The following ZNF143 variants were observed in gnomAD, a reference collection of about 807,000 sequenced individuals.
The protein encoded by ZNF143 is zinc finger protein 143.
In ZNF143, 49 loss-of-function variants were observed where a neutral mutation model predicts 74.1. That is an observed-to-expected ratio of 0.66 (90% CI 0.53 to 0.84). The LOEUF (loss-of-function observed/expected upper bound fraction) is 0.84. ZNF143 is among the 40% of genes least tolerant of loss of function. The probability of loss-of-function intolerance (pLI) is 0.00; values close to 1 mark genes in which losing one functional copy is unlikely to be tolerated. For missense variants in ZNF143, 637 were observed against 793.4 expected, an observed-to-expected ratio of 0.80 and a Z score of 2.37; for synonymous variants, 304 against 282.8, an observed-to-expected ratio of 1.07 and a Z score of -0.75.
chr11:9,477,904 C>G (rs1022398622), intron 5 of ZNF143, among the ~76,000 whole-genome samples: 1 of 152,204 alleles, frequency 6.6e-6, no homozygotes, highest in South Asian at 2.1e-4. Context: ...TGGCTCACTG[C>G]AACCTCTGCC....
intron 14 of ZNF143, among the ~76,000 whole-genome samples, chr11:9,520,557 C>G (rs555075006): frequency 6.6e-6 from 1 of 152,056 alleles, no homozygotes; most frequent in African/African-American, 2.4e-5. Context: ...ATTTGGGAGG[C>G]TGAGGCAGGT....
chr11:9,501,098 G>C lies in ZNF143; in HGVS notation c.975G>C (p.Arg325Ser). 1 of 1,614,144 alleles carries C rather than the reference G, an allele frequency of 6.2e-7. No individual in the cohort carries two copies. The part of the protein sequence containing the change: ...QKHIRTHTGE[R>S]PFKCPFEGCG... ...TACCCTTTATATTTGCAGGAGAAAG[G>C]CCCTTTAAGTGTCCCTTCGAAGGCT... Residue 325 changes from arginine to serine, a missense_variant, in exon 11 of 16, where the codon AGG becomes AGC. Transcript: ENST00000396602.
At chr11:9,461,350 C>G (rs1366572010) in intron 1 of ZNF143, among the ~76,000 whole-genome samples, 3 of 152,216 alleles carry the variant, frequency 2.0e-5, no homozygotes, top group Non-Finnish European at 4.4e-5. Context: ...TGCGCCCCGC[C>G]TGTTTCCCTC....
chr11:9,527,380 T>A (rs1849167380), intron 15 of ZNF143, 150 bp from the exon 16 acceptor site: 2 of 674,666 alleles, frequency 3.0e-6, no homozygotes, highest in Non-Finnish European at 5.1e-6. Flanking sequence ...TTTTGTTCTC[T>A]TAATGTTTGA....
intron 14 of ZNF143, among the ~76,000 whole-genome samples, chr11:9,524,178 T>G (rs769241258): frequency 6.6e-6 from 1 of 152,184 alleles, no homozygotes; most frequent in Non-Finnish European, 1.5e-5. Context: ...CCATTATCTT[T>G]AACCTTAAGT....
intron 7 of ZNF143, among the ~76,000 whole-genome samples, chr11:9,490,695 A>T (rs1309407417): frequency 6.6e-6 from 1 of 152,182 alleles, no homozygotes; most frequent in Non-Finnish European, 1.5e-5. Context: ...TGATTTTTAA[A>T]GGGTTCATAG....
chr11:9,466,580 G>A (rs548858946), intron 1 of ZNF143, among the ~76,000 whole-genome samples: 1 of 151,984 alleles, frequency 6.6e-6, no homozygotes, highest in Non-Finnish European at 1.5e-5. Flanking sequence ...ACAGATGTGA[G>A]CCACCACTCC....
At chr11:9,483,361 GA>G (rs1430650533) in intron 7 of ZNF143, among the ~76,000 whole-genome samples, 3 of 136,876 alleles carry the variant, frequency 2.2e-5, no homozygotes, top group Non-Finnish European at 4.6e-5. Context: ...GCAGTGGCGC[GA>G]TCTCAGCTCA....
At chr11:9,505,153 TA>T (rs1848315069) in intron 11 of ZNF143, among the ~76,000 whole-genome samples, 1 of 119,906 alleles carries the variant, frequency 8.3e-6, no homozygotes, top group Non-Finnish European at 2.0e-5. Context: ...TTTGTATTTT[TA>T]GTAGAGACAG....
At chr11:9,464,082 GTGTT>G (rs60631741) in intron 1 of ZNF143, among the ~76,000 whole-genome samples, 16,651 of 138,100 alleles carry the variant, frequency 0.12, 1,108 homozygotes, top group Admixed American at 0.16. Flanking sequence ...TCGTGTGTGT[GTGTT>G]TGTGTGTGTG....
At chr11:9,481,485 T>A (rs1329244857) in intron 7 of ZNF143, among the ~76,000 whole-genome samples, 1 of 152,164 alleles carries the variant, frequency 6.6e-6, no homozygotes, top group East Asian at 1.9e-4. Context: ...AGGGTAAATA[T>A]GTGCGGGAGT....
intron 5 of ZNF143, among the ~76,000 whole-genome samples, chr11:9,476,746 C>CTTTTTT (rs869069237): frequency 0.082 from 2,872 of 34,860 alleles, 1,003 homozygotes; most frequent in Non-Finnish European, 0.11. Flanking sequence ...AGGGAGGAAT[C>CTTTTTT]TTTTTTTTTT....
In ZNF143 at chr11:9,494,762, C is replaced by T. The variant is rs1847902003; in HGVS notation, c.762C>T (p.Leu254=). The part of the protein sequence containing the change: ...CGKLYTTAHH[L]KVHERSHTGD... ...AATTATATACAACAGCTCATCATCT[C>T]AAGGTATATATAAAAGAAATGTTCT... The change falls in exon 8 of 16, where the codon CTC becomes CTT. Residue 254 remains leucine, a synonymous_variant. Coordinates refer to ENST00000396602, the MANE Select transcript of ZNF143 (RefSeq NM_003442.6). 6.2e-7 allele frequency: 1 copy of T among 1,606,754 alleles called. No homozygotes were observed. Among genetic ancestry groups the T allele is most frequent in the African/African-American group, 1.3e-5 (1 of 74,788 alleles).
intron 7 of ZNF143, among the ~76,000 whole-genome samples, chr11:9,489,461 A>G (rs1471900037): frequency 6.6e-6 from 1 of 152,192 alleles, no homozygotes; most frequent in African/African-American, 2.4e-5. Context: ...GGGAGCAAAA[A>G]CAAGTACATT....
rs1775720494 is a variant in ZNF143 at position 9,473,677 on chromosome 11, T to C, written c.206-264T>C. 13 of 976,008 alleles carry C rather than the reference T, an allele frequency of 1.3e-5. No homozygotes were observed. In the South Asian group the frequency reaches 1.7e-4, roughly 13 times the overall value. The allele number at this position is 976,008 out of a possible 1,614,324, so 60.5% of individuals were successfully genotyped here. A position where few individuals can be genotyped will look rare whatever the true frequency, so the allele number is the denominator to read the frequency against. On this transcript the variant is annotated intron_variant, in intron 3 of 15. Coordinates refer to ENST00000396602, the MANE Select transcript of ZNF143 (RefSeq NM_003442.6). ...GAAAGGTATAAAGCAGTCCAACTCA[T>C]GTAGCCTGCTGTGATGAGCCACTCT...
rs767564563 is a variant in ZNF143 at position 9,472,733 on chromosome 11, G to C, written c.169G>C (p.Asp57His). The change falls in exon 3 of 16, where the codon GAT becomes CAT. Residue 57 changes from aspartate to histidine, a missense_variant. By Grantham distance (81) the Asp-to-His change is moderately conservative. This residue lies in a region of ZNF143 where 293 missense variants were observed against 307.8 expected (regional missense o/e 0.95). Coordinates refer to ENST00000396602, the MANE Select transcript of ZNF143 (RefSeq NM_003442.6). ...GVSLQAVTLADGSTAYIQHNS... is the reference protein window; with the variant it reads ...GVSLQAVTLAHGSTAYIQHNS... Reference sequence around the variant, plus strand: ...AAGCTTGCAAGCAGTAACACTTGCAGATGGTTCTACTGCTTACATACAACA... The same window carrying C: ...AAGCTTGCAAGCAGTAACACTTGCACATGGTTCTACTGCTTACATACAACA... 6.2e-7 allele frequency: 1 copy of C among 1,603,114 alleles called. No individual in the cohort carries two copies. Among genetic ancestry groups the C allele is most frequent in the South Asian group, 1.1e-5 (1 of 89,060 alleles).
chr11:9,501,365 T>C, intron 11 of ZNF143, 95 bp downstream of exon 11: 1 of 1,385,178 alleles, frequency 7.2e-7, no homozygotes, highest in Non-Finnish European at 9.9e-7. Context: ...TCTTCCCTCC[T>C]TTCTATCACT....
intron 7 of ZNF143, among the ~76,000 whole-genome samples, 151 bp from the exon 8 acceptor site, chr11:9,494,493 TAG>T (rs1268537583): frequency 6.6e-6 from 1 of 152,102 alleles, no homozygotes; most frequent in South Asian, 2.1e-4. Flanking sequence ...TTTTGTTGTA[TAG>T]AGACAGGGTT....
chr11:9,486,396 A>AATATATATATAATATATATTTT (rs1554964417), intron 7 of ZNF143, among the ~76,000 whole-genome samples: 8 of 11,922 alleles, frequency 6.7e-4, no homozygotes, highest in Non-Finnish European at 1.4e-3. Context: ...TAATATATAT[A>AATATATATATAATATATATTTT]ATATATTATA....
Sources: gnomAD v4.1 joint callset for allele counts (sites outside exome capture counted in the v4.1 genomes callset) on GRCh38, gnomAD v4.1.1 for gene constraint, gnomAD v4.1.1 regional missense constraint, MANE v1.5 for transcripts, NCBI Gene and HGNC (gene_info 2026-07-23, HGNC 2026-07-21) for gene names.